The following GRIA4 variants were observed in gnomAD, a reference collection of about 807,000 sequenced individuals.
GRIA4 encodes glutamate ionotropic receptor AMPA type subunit 4.
Under a neutral mutation model 104.0 loss-of-function variants are expected in GRIA4, and 34 were observed. The ratio of observed to expected loss-of-function variants is 0.33; its 90% CI spans 0.25 to 0.44. The LOEUF (loss-of-function observed/expected upper bound fraction) is 0.44. Ranked by LOEUF, GRIA4 falls within the 20% of genes least tolerant of loss-of-function variation. The probability of loss-of-function intolerance (pLI) is 1.00; values close to 1 mark genes in which losing one functional copy is unlikely to be tolerated. For missense variants in GRIA4, 750 were observed against 1,096.5 expected (o/e 0.68, Z 4.46); for synonymous variants, 386 against 381.9 (o/e 1.01, Z -0.13).
chr11:105,646,517 C>T (rs1951533199), intron 3 of GRIA4, among the ~76,000 whole-genome samples: 1 of 152,134 alleles, frequency 6.6e-6, no homozygotes, highest in African/African-American at 2.4e-5. Context: ...CACCTGATTT[C>T]AAACTATACT....
Position 105,694,009 on chromosome 11 carries a change from C to T in GRIA4, c.248-58972C>T, listed in dbSNP as rs149112569. 2.2e-4 allele frequency among the ~76,000 whole-genome samples: 34 copies of T among 152,246 alleles called. No homozygotes were observed. In the East Asian group the frequency reaches 4.1e-3, roughly 18 times the overall value. ...TAATAAATGGTAATTATTTTTAATT[C>T]TGCAACATTGGGGAATTACTTATTT... On this transcript the variant is annotated intron_variant, in intron 3 of 16. Coordinates refer to ENST00000282499, the MANE Select transcript of GRIA4 (RefSeq NM_000829.4).
intron 4 of GRIA4, among the ~76,000 whole-genome samples, chr11:105,773,564 C>A (rs189442115): frequency 1.3e-5 from 2 of 152,042 alleles, no homozygotes; most frequent in South Asian, 4.1e-4. Flanking sequence ...CTGGGCTCTA[C>A]GCATCTCTGT....
At chr11:105,834,417 A>C (rs564841446) in intron 4 of GRIA4, among the ~76,000 whole-genome samples, 7 of 152,218 alleles carry the variant, frequency 4.6e-5, no homozygotes, top group Admixed American at 3.9e-4. Context: ...TACAAAGCTA[A>C]ATTCCATGCT....
chr11:105,823,518 T>A (rs1943652037), intron 4 of GRIA4, among the ~76,000 whole-genome samples: 1 of 152,038 alleles, frequency 6.6e-6, no homozygotes, highest in African/African-American at 2.4e-5. Flanking sequence ...TTTGCAGAAT[T>A]GAGTGGATAC....
intron 14 of GRIA4, chr11:105,966,040 C>A: frequency 6.2e-7 from 1 of 1,612,340 alleles, no homozygotes; most frequent in Non-Finnish European, 8.5e-7. Context: ...GAGAATGTGG[C>A]AGCGGGGGAG....
chr11:105,799,880 G>C (rs890456536), intron 4 of GRIA4, among the ~76,000 whole-genome samples: 2 of 152,046 alleles, frequency 1.3e-5, no homozygotes, highest in African/African-American at 2.4e-5. Context: ...AGAATAGTTT[G>C]TTTCACTTTC....
intron 5 of GRIA4, among the ~76,000 whole-genome samples, chr11:105,878,937 T>C (rs1016189977): frequency 1.3e-5 from 2 of 152,008 alleles, no homozygotes; most frequent in African/African-American, 4.8e-5. Context: ...GCCACTGGGG[T>C]ATGAAAAAAA....
chr11:105,826,328 A>T (rs1443967670), intron 4 of GRIA4, among the ~76,000 whole-genome samples: 1 of 151,988 alleles, frequency 6.6e-6, no homozygotes, highest in African/African-American at 2.4e-5. Flanking sequence ...CTCATTCCCC[A>T]TGGGACACCT....
intron 3 of GRIA4, among the ~76,000 whole-genome samples, chr11:105,637,122 T>A (rs1416502246): frequency 6.6e-6 from 1 of 152,144 alleles, no homozygotes; most frequent in African/African-American, 2.4e-5. Context: ...TCTCCATTAT[T>A]GTGGAAAAAA....
rs377574173 is a variant in GRIA4, at chr11:105,654,767, G to A, written c.247+42333G>A. Among the ~76,000 whole-genome samples, 6 of 152,138 alleles carry A rather than the reference G, an allele frequency of 3.9e-5. No individual in the cohort carries two copies. The East Asian group carries it at 5.8e-4, about 15-fold the overall frequency. On this transcript the variant is annotated intron_variant, in intron 3 of 16. Transcript: ENST00000282499. ...AATGACTGAGAAAGTTCACAGGGAT[G>A]TGACAGGTCTGAGTACCTAGTAAGT... is the stretch of plus-strand genomic sequence containing the variant.
intron 3 of GRIA4, among the ~76,000 whole-genome samples, chr11:105,723,421 A>T (rs1591141771): frequency 6.6e-6 from 1 of 152,266 alleles, no homozygotes; most frequent in East Asian, 1.9e-4. Context: ...TTTCCAGAAT[A>T]AAATATATCA....
intron 4 of GRIA4, among the ~76,000 whole-genome samples, chr11:105,838,441 G>GAT (rs962640356): frequency 1.3e-4 from 20 of 152,158 alleles, no homozygotes; most frequent in African/African-American, 4.8e-4. Context: ...CCTGCAGAAT[G>GAT]ATATAAGGAA....
At chr11:105,613,816 A>G (rs984639079) in intron 3 of GRIA4, 2 of 152,056 alleles carry the variant, frequency 1.3e-5, no homozygotes, top group African/African-American at 2.4e-5. Flanking sequence ...GGAAGGCTAT[A>G]GGTTCTATGA....
At position 105,887,552 on chromosome 11, in the gene GRIA4, C is replaced by A; in HGVS notation, c.706C>A (p.His236Asn). Reference sequence around the variant, plus strand: ...TGTTGGAAAGCATGTTAAAGGCTACCATTATATCATTGCAAACTTGGTAAG... The same window carrying A: ...TGTTGGAAAGCATGTTAAAGGCTACAATTATATCATTGCAAACTTGGTAAG... Reference protein sequence around the residue: ...VSVGKHVKGYHYIIANLGFKD... With the variant: ...VSVGKHVKGYNYIIANLGFKD... Residue 236 changes from histidine to asparagine, a missense_variant, in exon 6 of 17, where the codon CAT (histidine) becomes AAT (asparagine). His to Asn is a moderately conservative substitution (Grantham distance 68, BLOSUM62 1). This residue lies in a region of GRIA4 where 410 missense variants were observed against 502.7 expected (regional missense o/e 0.82). Coordinates refer to ENST00000282499, the MANE Select transcript of GRIA4 (RefSeq NM_000829.4). The A allele has an allele frequency of 2.1e-6, 3 of 1,442,464 alleles. No individual in the cohort carries two copies. Among genetic ancestry groups the A allele is most frequent in the Non-Finnish European group, 9.7e-7 (1 of 1,032,876 alleles). The allele number at this position is 1,442,464 out of a possible 1,614,324, so 89.4% of individuals were successfully genotyped here.
chr11:105,802,521 T>C (rs1466589084), intron 4 of GRIA4, among the ~76,000 whole-genome samples: 1 of 152,158 alleles, frequency 6.6e-6, no homozygotes, highest in African/African-American at 2.4e-5. Context: ...GATTTTGAAA[T>C]GCAACCAAGC....
chr11:105,931,647 G>T (rs1300665972), intron 13 of GRIA4, among the ~76,000 whole-genome samples: 1 of 152,062 alleles, frequency 6.6e-6, no homozygotes. Flanking sequence ...AGAGGTTGTA[G>T]TGAGCCAAGA....
intron 3 of GRIA4, among the ~76,000 whole-genome samples, chr11:105,651,946 T>TA (rs2060999458): frequency 6.6e-6 from 1 of 152,172 alleles, no homozygotes; most frequent in African/African-American, 2.4e-5. Context: ...TAAACACCTT[T>TA]AACTTAATTT....
chr11:105,621,061 T>A (rs934979888), intron 3 of GRIA4, among the ~76,000 whole-genome samples: 2 of 151,808 alleles, frequency 1.3e-5, no homozygotes, highest in African/African-American at 4.8e-5. Flanking sequence ...TTTAATGTTA[T>A]GTTAGAAATA....
intron 3 of GRIA4, among the ~76,000 whole-genome samples, chr11:105,633,590 A>G (rs990557436): frequency 6.6e-5 from 10 of 152,204 alleles, no homozygotes; most frequent in Non-Finnish European, 1.5e-5. Flanking sequence ...AAGAAAAACA[A>G]ACTTATCTTC....
Sources: allele counts gnomAD v4.1 joint callset (sites outside exome capture counted in the v4.1 genomes callset), GRCh38; gene constraint gnomAD v4.1.1; regional missense constraint gnomAD v4.1.1; transcripts MANE v1.5; gene names NCBI Gene and HGNC (gene_info 2026-07-23, HGNC 2026-07-21).